The following DPF3 variants were observed in gnomAD, a reference collection of about 807,000 sequenced individuals.
The protein encoded by DPF3 is double PHD fingers 3.
A neutral mutation model predicts 56.8 loss-of-function variants in DPF3; 18 were observed. That is an observed-to-expected ratio of 0.32 (90% confidence interval 0.22 to 0.47). The LOEUF (loss-of-function observed/expected upper bound fraction) is 0.47. Among genes scored for constraint, DPF3 ranks in the 20% least tolerant of loss-of-function variants. The pLI is 1.00. For synonymous variants in DPF3, 188 were observed against 180.2 expected (o/e 1.04, Z -0.35); for missense variants, 403 against 488.8 (o/e 0.82, Z 1.65).
At chr14:72,759,518 G>C in intron 2 of DPF3, among the ~76,000 whole-genome samples, 1 of 151,472 alleles carries the variant, frequency 6.6e-6, no homozygotes, top group East Asian at 1.9e-4. Flanking sequence ...AAGAGAGAGA[G>C]AGAGAGAGAG....
intron 3 of DPF3, 79 bp downstream of exon 3, chr14:72,753,185 A>C: frequency 2.1e-6 from 3 of 1,399,758 alleles, no homozygotes; most frequent in Admixed American, 2.1e-5. Flanking sequence ...CAAAGGAGCA[A>C]ACCAACCTTG....
At chr14:72,636,885 C>T (rs949888591) in intron 8 of DPF3, among the ~76,000 whole-genome samples, 3 of 152,132 alleles carry the variant, frequency 2.0e-5, no homozygotes, top group African/African-American at 7.2e-5. Flanking sequence ...AGGACAAATA[C>T]CAAACAAACA....
intron 1 of DPF3, among the ~76,000 whole-genome samples, chr14:72,817,112 C>T (rs551762510): frequency 3.9e-5 from 6 of 152,260 alleles, no homozygotes; most frequent in African/African-American, 1.4e-4. Flanking sequence ...CTCACAGCCC[C>T]GGGGGGACAG....
intron 1 of DPF3, among the ~76,000 whole-genome samples, chr14:72,857,219 C>G (rs1885201973): frequency 6.6e-6 from 1 of 152,180 alleles, no homozygotes; most frequent in Admixed American, 6.5e-5. Flanking sequence ...ACACACAAAC[C>G]TTGACCACCA....
intron 6 of DPF3, among the ~76,000 whole-genome samples, chr14:72,713,830 C>G (rs1050293014): frequency 3.3e-5 from 5 of 152,194 alleles, no homozygotes; most frequent in African/African-American, 1.2e-4. Flanking sequence ...TCTGCACGCC[C>G]TAAACTCAGG....
intron 7 of DPF3, among the ~76,000 whole-genome samples, chr14:72,686,330 G>A (rs1314594842): frequency 1.3e-5 from 2 of 152,254 alleles, no homozygotes; most frequent in African/African-American, 4.8e-5. Context: ...TGGGACATTA[G>A]TGCTCACAGG....
At chr14:72,883,101 A>T (rs1401421731) in intron 1 of DPF3, among the ~76,000 whole-genome samples, 3 of 152,190 alleles carry the variant, frequency 2.0e-5, no homozygotes, top group African/African-American at 7.2e-5. Flanking sequence ...ATGTATCGAG[A>T]GTTGCTGGTT....
At chr14:72,826,311 C>T (rs1883798584) in intron 1 of DPF3, among the ~76,000 whole-genome samples, 1 of 152,132 alleles carries the variant, frequency 6.6e-6, no homozygotes, top group Admixed American at 6.5e-5. Flanking sequence ...AACAATAGGA[C>T]CAGCCTTTGT....
At chr14:72,844,551 G>A (rs756069714) in intron 1 of DPF3, among the ~76,000 whole-genome samples, 1 of 152,192 alleles carries the variant, frequency 6.6e-6, no homozygotes, top group Non-Finnish European at 1.5e-5. Flanking sequence ...ATGAAGAAAT[G>A]CAAAGCAGGA....
intron 1 of DPF3, among the ~76,000 whole-genome samples, chr14:72,834,736 A>G (rs1340922503): frequency 1.3e-5 from 2 of 152,192 alleles, no homozygotes; most frequent in South Asian, 2.1e-4. Context: ...CCACGCCAAG[A>G]CTTGTACATG....
At chr14:72,864,671 CGGATGGATGGATGGAT>C (rs59858422) in intron 1 of DPF3, among the ~76,000 whole-genome samples, 11 of 151,050 alleles carry the variant, frequency 7.3e-5, no homozygotes, top group Non-Finnish European at 1.2e-4. Context: ...CAGTAATTAG[CGGATGGATGGATGGAT>C]GGATGGATGG....
At chr14:72,870,544 C>T (rs1885857222) in intron 1 of DPF3, among the ~76,000 whole-genome samples, 1 of 152,218 alleles carries the variant, frequency 6.6e-6, no homozygotes, top group South Asian at 2.1e-4. Flanking sequence ...CTGGACAAAG[C>T]ATGCCATAGA....
chr14:72,812,604 GCGGAGAGTA>G lies in DPF3; in HGVS notation c.33-40720_33-40712del, dbSNP rs780767429. 2.6e-5 allele frequency among the ~76,000 whole-genome samples: 4 copies of G among 152,266 alleles called. No individual in the cohort carries two copies. The South Asian group carries it at 6.2e-4, about 24-fold the overall frequency. Reference sequence around the variant, plus strand: ...GGATTCCTGAAACACTGCTGGCGGAGCGGAGAGTACGGAGAGTACGCTGGGCCCGGTGGG... The same window carrying G: ...GGATTCCTGAAACACTGCTGGCGGAGCGGAGAGTACGCTGGGCCCGGTGGG... On this transcript the variant is annotated intron_variant, in intron 1 of 10. Coordinates refer to ENST00000556509, the MANE Select transcript of DPF3 (RefSeq NM_001280542.3).
At chr14:72,851,378 A>T (rs1884978310) in intron 1 of DPF3, among the ~76,000 whole-genome samples, 1 of 152,216 alleles carries the variant, frequency 6.6e-6, no homozygotes, top group South Asian at 2.1e-4. Context: ...TCTTCTCCAT[A>T]GAGCCCTCAG....
chr14:72,640,508 C>T (rs1156462106), intron 8 of DPF3, among the ~76,000 whole-genome samples: 1 of 152,110 alleles, frequency 6.6e-6, no homozygotes, highest in African/African-American at 2.4e-5. Flanking sequence ...GGAGCTTACA[C>T]TGTAATGAGG....
intron 1 of DPF3, among the ~76,000 whole-genome samples, chr14:72,867,008 A>G (rs2140105964): frequency 6.6e-6 from 1 of 151,188 alleles, no homozygotes; most frequent in East Asian, 1.9e-4. Context: ...ACAAGGAGGA[A>G]GCAAAGGCCT....
intron 8 of DPF3, among the ~76,000 whole-genome samples, chr14:72,637,063 G>C (rs772425195): frequency 6.6e-6 from 1 of 152,210 alleles, no homozygotes; most frequent in Non-Finnish European, 1.5e-5. Flanking sequence ...AGCCCCAGGG[G>C]CTATTGCACC....
rs1003979808 is a variant in DPF3, at chr14:72,612,927, C to A, written c.*6370G>T. Among the ~76,000 whole-genome samples the A allele has an allele frequency of 6.6e-6, 1 of 152,068 alleles. No homozygotes were observed. The highest frequency in any genetic ancestry group is 6.5e-5 in the Admixed American group (1 of 15,274). On this transcript the variant is annotated 3_prime_UTR_variant, in exon 11 of 11. Transcript: ENST00000556509. The stretch of plus-strand genomic sequence containing the variant: ...TTCAGGAAAGATGCACCTTGCCTGG[C>A]AGCCCCTGGCTCTCCCTCTTGTCCT...
At chr14:72,828,906 C>G (rs1179449913) in intron 1 of DPF3, among the ~76,000 whole-genome samples, 1 of 152,156 alleles carries the variant, frequency 6.6e-6, no homozygotes, top group Non-Finnish European at 1.5e-5. Flanking sequence ...GAAACATTCC[C>G]AAAATAGAAT....
Sources: allele counts gnomAD v4.1 joint callset (sites outside exome capture counted in the v4.1 genomes callset), GRCh38; gene constraint gnomAD v4.1.1; transcripts MANE v1.5; gene names NCBI Gene and HGNC (gene_info 2026-07-23, HGNC 2026-07-21).